Variants in UGT1A9 observed in about 807,000 individuals in gnomAD.
UGT1A9 encodes the protein UDP glucuronosyltransferase family 1 member A9.
A neutral mutation model predicts 45.0 loss-of-function variants in UGT1A9; 35 were observed. The observed-to-expected ratio is 0.78, with a 90% confidence interval of 0.59 to 1.03. UGT1A9 has a LOEUF of 1.03. Among genes scored for constraint, UGT1A9 ranks in the 50% least tolerant of loss-of-function variants. UGT1A9 has a pLI of 0.00. For missense variants in UGT1A9, 687 were observed against 666.6 expected (o/e 1.03, Z -0.34); for synonymous variants, 278 against 250.6 (o/e 1.11, Z -1.03).
chr2:233,726,096 G>T (rs1250649132), intron 1 of UGT1A9, among the ~76,000 whole-genome samples: 3 of 152,168 alleles, frequency 2.0e-5, no homozygotes, highest in African/African-American at 7.2e-5. Flanking sequence ...ATCCGAGGAG[G>T]TGGAGGCTGC....
chr2:233,701,555 C>T (rs1220931123), intron 1 of UGT1A9, among the ~76,000 whole-genome samples: 1 of 152,122 alleles, frequency 6.6e-6, no homozygotes, highest in African/African-American at 2.4e-5. Context: ...TTTTCAGCAC[C>T]ACACCACACC....
intron 1 of UGT1A9, among the ~76,000 whole-genome samples, chr2:233,716,363 G>A (rs914574200): frequency 6.6e-6 from 1 of 152,108 alleles, no homozygotes; most frequent in Non-Finnish European, 1.5e-5. Context: ...ATACTTTGTG[G>A]GGCTGTGATT....
intron 1 of UGT1A9, among the ~76,000 whole-genome samples, chr2:233,699,197 C>G (rs966518416): frequency 2.0e-5 from 3 of 152,172 alleles, no homozygotes; most frequent in African/African-American, 7.2e-5. Context: ...TTCAGAATCT[C>G]ATGCTGTTGC....
intron 1 of UGT1A9, among the ~76,000 whole-genome samples, chr2:233,702,032 C>A (rs2075666717): frequency 6.6e-6 from 1 of 151,958 alleles, no homozygotes; most frequent in Non-Finnish European, 1.5e-5. Context: ...CAAAAAAAAA[C>A]CCTTCAAAAA....
intron 1 of UGT1A9, among the ~76,000 whole-genome samples, chr2:233,685,008 C>A (rs982107066): frequency 6.6e-6 from 1 of 152,050 alleles, no homozygotes; most frequent in Admixed American, 6.6e-5. Flanking sequence ...GGTGTTTGTG[C>A]ACGTATGTGT....
At chr2:233,713,923 C>T in intron 1 of UGT1A9, 4 of 1,612,024 alleles carry the variant, frequency 2.5e-6, no homozygotes, top group Non-Finnish European at 3.4e-6. Context: ...AATGTATTTA[C>T]TTACAAGTGC....
chr2:233,724,621 C>T (rs1346107086), intron 1 of UGT1A9, among the ~76,000 whole-genome samples: 1 of 138,572 alleles, frequency 7.2e-6, no homozygotes, highest in African/African-American at 2.8e-5. Flanking sequence ...CAGAGACGCT[C>T]CTCACTTCCT....
At chr2:233,705,546 T>C (rs1018965225) in intron 1 of UGT1A9, among the ~76,000 whole-genome samples, 10 of 152,198 alleles carry the variant, frequency 6.6e-5, no homozygotes, top group African/African-American at 2.4e-4. Context: ...GAAGAGCAGC[T>C]GGTGATATTG....
chr2:233,682,010 G>A (rs748366826), intron 1 of UGT1A9: 2 of 1,614,142 alleles, frequency 1.2e-6, no homozygotes, highest in East Asian at 2.2e-5. Flanking sequence ...CTTTGCCAAG[G>A]CAGGGAAGCT....
chr2:233,741,106 A>T (rs1691567607), intron 1 of UGT1A9, among the ~76,000 whole-genome samples: 2 of 151,792 alleles, frequency 1.3e-5, no homozygotes. Context: ...CAGACAATCA[A>T]GCTTTACACT....
At chr2:233,676,077 A>G (rs2074345322) in intron 1 of UGT1A9, among the ~76,000 whole-genome samples, 2 of 152,200 alleles carry the variant, frequency 1.3e-5, no homozygotes, top group South Asian at 4.1e-4. Context: ...CAAGTGTGTC[A>G]AGATCATTCA....
chr2:233,729,914 T>C (rs774517230), intron 1 of UGT1A9: 73 of 1,613,908 alleles, frequency 4.5e-5, no homozygotes, highest in Non-Finnish European at 5.8e-5. Context: ...GACTTTGTGA[T>C]GGACTACCCC....
Position 233,772,465 on chromosome 2 carries a change from C to T in UGT1A9, c.1499C>T (p.Ala500Val), listed in dbSNP as rs1575871358. ...GFLLAVVLTV[A>V]FITFKCCAYG... ...CTCTTGGCCGTCGTGCTGACAGTGG[C>T]CTTCATCACCTTTAAATGTTGTGCT... Residue 500 changes from alanine to valine, a missense_variant, in exon 5 of 5, where the codon GCC (alanine) becomes GTC (valine). Transcript: ENST00000354728. 1 of 1,614,018 alleles carries T rather than the reference C, an allele frequency of 6.2e-7. No individual in the cohort carries two copies. Among genetic ancestry groups the T allele is most frequent in the African/African-American group, 1.3e-5 (1 of 74,896 alleles).
At chr2:233,735,337 C>CT (rs939538517) in intron 1 of UGT1A9, among the ~76,000 whole-genome samples, 10 of 150,780 alleles carry the variant, frequency 6.6e-5, no homozygotes, top group South Asian at 2.1e-4. Context: ...GCAACCCCTG[C>CT]TTTTTTTTTG....
chr2:233,738,354 G>C (rs1033187922), intron 1 of UGT1A9, among the ~76,000 whole-genome samples: 1 of 152,188 alleles, frequency 6.6e-6, no homozygotes, highest in Non-Finnish European at 1.5e-5. Flanking sequence ...CATGGAGAGT[G>C]GGGTACTGCT....
chr2:233,772,579 G>A lies in UGT1A9; in HGVS notation c.*20G>A. ...CATTGAGAAGTGGGTGGGAAATAAG[G>A]TAAAATTTTGAACCATTCCCTAGTC... On this transcript the variant is annotated 3_prime_UTR_variant, in exon 5 of 5. Transcript: ENST00000354728. The A allele has an allele frequency of 6.2e-7, 1 of 1,608,678 alleles. No homozygotes were observed. Among genetic ancestry groups the A allele is most frequent in the Non-Finnish European group, 8.5e-7 (1 of 1,177,120 alleles).
At chr2:233,708,554 C>T (rs1000244993) in intron 1 of UGT1A9, 1 of 152,110 alleles carries the variant, frequency 6.6e-6, no homozygotes, top group Non-Finnish European at 1.5e-5. Flanking sequence ...GAGTTTGAGA[C>T]CAGCCTAGGC....
Position 233,772,341 on chromosome 2 carries a change from G to A in UGT1A9, c.1375G>A (p.Val459Met), listed in dbSNP as rs753234232. The change falls in exon 5 of 5, where the codon GTG becomes ATG. Residue 459 changes from valine (V) to methionine (M), a missense_variant. Val to Met is a conservative substitution (Grantham distance 21, BLOSUM62 1). Coordinates refer to ENST00000354728, the MANE Select transcript of UGT1A9 (RefSeq NM_021027.3). ...GCCGCTGGACCTGGCCGTGTTCTGG[G>A]TGGAGTTTGTGATGAGGCACAAGGG... ...VEPLDLAVFW[V>M]EFVMRHKGAP... The A allele has an allele frequency of 1.9e-6, 3 of 1,614,248 alleles. No individual in the cohort carries two copies. The highest frequency in any genetic ancestry group is 4.5e-5 in the East Asian group (2 of 44,884).
intron 1 of UGT1A9, among the ~76,000 whole-genome samples, chr2:233,728,671 C>T (rs1367179022): frequency 6.6e-6 from 1 of 152,178 alleles, no homozygotes; most frequent in Non-Finnish European, 1.5e-5. Flanking sequence ...GTTACTCATA[C>T]ATGAGAAGAA....
Sources: allele counts gnomAD v4.1 joint callset (sites outside exome capture counted in the v4.1 genomes callset), GRCh38; gene constraint gnomAD v4.1.1; transcripts MANE v1.5; gene names NCBI Gene and HGNC (gene_info 2026-07-23, HGNC 2026-07-21).